ZNF302: variants seen among roughly 807,000 people sequenced by gnomAD.
The protein encoded by ZNF302 is zinc finger protein 327.
Under a neutral mutation model 10.8 loss-of-function variants are expected in ZNF302, and 12 were observed. The ratio of observed to expected loss-of-function variants is 1.11; its 90% CI spans 0.71 to 1.79. The LOEUF (loss-of-function observed/expected upper bound fraction) is 1.79. Ranked by LOEUF, ZNF302 falls within the 40% of genes most tolerant of loss-of-function variation. The pLI, the probability that ZNF302 is intolerant of heterozygous loss-of-function variation, is 0.00. For missense variants in ZNF302, 461 were observed against 471.1 expected, an observed-to-expected ratio of 0.98 and a Z score of 0.20; for synonymous variants, 178 against 157.5, an observed-to-expected ratio of 1.13 and a Z score of -0.98.
intron 4 of ZNF302, chr19:34,683,956 T>C (rs569633070): frequency 7.6e-7 from 1 of 1,313,408 alleles, no homozygotes; most frequent in Non-Finnish European, 9.7e-7. Context: ...TCTGATACTT[T>C]CCTTTTTTCC....
chr19:34,684,443 G>C lies in ZNF302; in HGVS notation c.406G>C (p.Glu136Gln), dbSNP rs1343156799. 6.2e-7 allele frequency: 1 copy of C among 1,613,084 alleles called. No individual in the cohort carries two copies. Among genetic ancestry groups the C allele is most frequent in the Non-Finnish European group, 8.5e-7 (1 of 1,179,356 alleles). Residue 136 changes from glutamate (E) to glutamine (Q), a missense_variant, in exon 5 of 5, where the codon GAA (glutamate) becomes CAA (glutamine). By Grantham distance (29) the Glu-to-Gln change is conservative (BLOSUM62 2). Transcript: ENST00000505242. Reference protein sequence around the residue: ...STFHSKSTLSEPQNNSAEGNS... With the variant: ...STFHSKSTLSQPQNNSAEGNS... The stretch of plus-strand genomic sequence containing the variant: ...CTTTCATTCAAAGTCTACTCTTTCT[G>C]AACCACAAAACAATTCTGCTGAAGG...
At position 34,684,454 on chromosome 19, in the gene ZNF302, C is replaced by G. The variant is rs1480097472; in HGVS notation, c.417C>G (p.Asn139Lys). The change falls in exon 5 of 5, where the codon AAC (asparagine) becomes AAG (lysine). Residue 139 changes from asparagine (N) to lysine (K), a missense_variant. By Grantham distance (94) the Asn-to-Lys change is moderately conservative (BLOSUM62 0). Transcript: ENST00000505242. ...AGTCTACTCTTTCTGAACCACAAAA[C>G]AATTCTGCTGAAGGGAATTCACACA... ...HSKSTLSEPQ[N>K]NSAEGNSHKY... 3.1e-6 allele frequency: 5 copies of G among 1,613,032 alleles called. No homozygotes were observed. The highest frequency in any genetic ancestry group is 4.2e-6 in the Non-Finnish European group (5 of 1,179,390).
chr19:34,680,821 A>C (rs184939074), intron 2 of ZNF302, among the ~76,000 whole-genome samples: 1 of 152,258 alleles, frequency 6.6e-6, no homozygotes, highest in African/African-American at 2.4e-5. Flanking sequence ...TGAACTGTCA[A>C]ATCTTACTTG....
intron 4 of ZNF302, chr19:34,683,975 T>C: frequency 7.2e-7 from 1 of 1,382,530 alleles, no homozygotes; most frequent in Non-Finnish European, 9.4e-7. Context: ...CCATACTATT[T>C]TATCCATTTC....
Position 34,683,225 on chromosome 19 carries a change from A to G in ZNF302, c.201A>G (p.Lys67=). The G allele has an allele frequency of 1.2e-6, 2 of 1,614,114 alleles. No individual in the cohort carries two copies. Among genetic ancestry groups the G allele is most frequent in the African/African-American group, 1.3e-5 (1 of 75,050 alleles). ...EDGKEPWMME[K]KLSKDWESRW... ...GAAAAGAGCCCTGGATGATGGAGAA[A>G]AAACTGTCAAAAGGTATGATTCCAC... Residue 67 remains lysine, a synonymous_variant, in exon 4 of 5, where the codon AAA becomes AAG. Coordinates refer to ENST00000505242, the MANE Select transcript of ZNF302 (RefSeq NM_001289187.2).
intron 4 of ZNF302, 105 bp downstream of exon 4, chr19:34,683,343 CAGAT>C (rs1164747802): frequency 1.5e-6 from 2 of 1,323,568 alleles, no homozygotes; most frequent in South Asian, 1.4e-5. Flanking sequence ...TCAAAGATCT[CAGAT>C]AGAAATGAAA....
chr19:34,683,680 G>A (rs2068477172), intron 4 of ZNF302, among the ~76,000 whole-genome samples: 1 of 152,136 alleles, frequency 6.6e-6, no homozygotes, highest in African/African-American at 2.4e-5. Context: ...ATTTTCTAAT[G>A]TTCAAGAAAA....
rs889931852 is a variant in ZNF302, at chr19:34,679,859, A to G, written c.9+1046A>G. On this transcript the variant is annotated intron_variant, in intron 2 of 4. Coordinates refer to ENST00000505242, the MANE Select transcript of ZNF302 (RefSeq NM_001289187.2). The stretch of plus-strand genomic sequence containing the variant: ...TACCCAGAGTGTTACCTGGCACCAA[A>G]TGGATGCTTAGTAAGTAATTGTGGA... The G allele has an allele frequency of 2.4e-5, 17 of 702,836 alleles. No homozygotes were observed. In the African/African-American group the frequency reaches 2.4e-4, roughly 10 times the overall value. The allele number at this position is 702,836 out of a possible 1,614,324, so 43.5% of individuals were successfully genotyped here. A position where few individuals can be genotyped will look rare whatever the true frequency, so the allele number is the denominator to read the frequency against.
intron 1 of ZNF302, 103 bp from the exon 2 acceptor site, chr19:34,678,634 G>C (rs2068139992): frequency 7.9e-6 from 5 of 636,186 alleles, no homozygotes; most frequent in South Asian, 3.8e-5. Context: ...TGACGCTCCG[G>C]CGAGTGATTA....
intron 2 of ZNF302, chr19:34,682,310 A>T (rs2068394317): frequency 6.2e-6 from 1 of 160,126 alleles, no homozygotes; most frequent in Non-Finnish European, 1.4e-5. Context: ...AGTCTTTAAT[A>T]TTAAGATGTC....
chr19:34,683,937 C>T, intron 4 of ZNF302: 3 of 1,258,516 alleles, frequency 2.4e-6, no homozygotes, highest in Non-Finnish European at 3.0e-6. Context: ...ATGCCTTCCA[C>T]ATCTTATTTC....
intron 2 of ZNF302, among the ~76,000 whole-genome samples, chr19:34,680,223 C>T (rs1225921765): frequency 6.6e-6 from 1 of 152,138 alleles, no homozygotes; most frequent in East Asian, 1.9e-4. Context: ...AATGCCAAAA[C>T]CATTCATTGG....
intron 2 of ZNF302, among the ~76,000 whole-genome samples, chr19:34,680,529 C>A (rs1244645599): frequency 1.3e-5 from 2 of 152,010 alleles, no homozygotes; most frequent in East Asian, 3.9e-4. Flanking sequence ...GCTAGTGGCT[C>A]CTGTATTGAA....
chr19:34,683,977 A>C, intron 4 of ZNF302: 3 of 1,384,576 alleles, frequency 2.2e-6, no homozygotes, highest in Non-Finnish European at 2.8e-6. Context: ...ATACTATTTT[A>C]TCCATTTCGT....
At position 34,684,316 on chromosome 19, in the gene ZNF302, A is replaced by G; in HGVS notation, c.279A>G (p.Ser93=). ...STKKDIYDED[S]PQPVTMEKVV... ...AGAAGGATATTTATGATGAAGATTC[A>G]CCCCAACCAGTAACAATGGAAAAAG... The change falls in exon 5 of 5, where the codon TCA becomes TCG. Residue 93 remains serine (S), a synonymous_variant. Transcript: ENST00000505242. The G allele has an allele frequency of 1.3e-6, 2 of 1,588,414 alleles. No homozygotes were observed. The highest frequency in any genetic ancestry group is 1.7e-6 in the Non-Finnish European group (2 of 1,171,648).
At position 34,684,435 on chromosome 19, in the gene ZNF302, CT is replaced by C. The variant is rs2145348473; in HGVS notation, c.399del (p.Leu134PhefsTer19). The part of the protein sequence containing the change: ...TFRSTFHSKS[T>X]LSEPQNNSAE... ...AGAAGCACCTTTCATTCAAAGTCTACTCTTTCTGAACCACAAAACAATTCTG... is the reference window on the plus strand; with the variant it reads ...AGAAGCACCTTTCATTCAAAGTCTACCTTTCTGAACCACAAAACAATTCTG... On this transcript the variant is annotated frameshift_variant, in exon 5 of 5. Coordinates refer to ENST00000505242, the MANE Select transcript of ZNF302 (RefSeq NM_001289187.2). LOFTEE classifies it low-confidence loss of function (END_TRUNC). 3.1e-6 allele frequency: 5 copies of C among 1,613,058 alleles called. No homozygotes were observed. In the East Asian group the frequency reaches 1.1e-4, roughly 36 times the overall value.
rs746866893 is a variant in ZNF302, at chr19:34,684,171, TAAAAAAAAAAAAAAAAAAAAAAAAAAAA to T, written c.215-59_215-32del. ...CACTGTAGAAGCTTTTTTCAAGAAGTAAAAAAAAAAAAAAAAAAAAAAAAAAAAAAAAAAAAAAAAAAAAAAAAAGGCA... is the reference window on the plus strand; with the variant it reads ...CACTGTAGAAGCTTTTTTCAAGAAGTAAAAAAAAAAAAAAAAAAAAAGGCA... On this transcript the variant is annotated intron_variant, in intron 4 of 4. Coordinates refer to ENST00000505242, the MANE Select transcript of ZNF302 (RefSeq NM_001289187.2). The T allele has an allele frequency of 2.5e-3, 2,166 of 877,828 alleles. 9 individuals are homozygous for T. Among genetic ancestry groups the T allele is most frequent in the East Asian group, 3.0e-3 (47 of 15,442 alleles). 54.4% of individuals were successfully genotyped at this position (877,828 alleles called of 1,614,324 possible).
In ZNF302 at chr19:34,685,112, CA is replaced by C. The variant is rs772103554; in HGVS notation, c.1076del (p.His359LeufsTer7). On this transcript the variant is annotated frameshift_variant, in exon 5 of 5. Transcript: ENST00000505242. LOFTEE classifies it low-confidence loss of function (END_TRUNC). ...AFCCSSHLTQ[H>X]QRIHSMKKKY... Reference sequence around the variant, plus strand: ...CTGCTGTAGCTCACACCTTACTCAACATCAAAGAATTCACAGTATGAAGAAA... The same window carrying C: ...CTGCTGTAGCTCACACCTTACTCAACTCAAAGAATTCACAGTATGAAGAAA... 23 of 1,612,580 alleles carry C rather than the reference CA, an allele frequency of 1.4e-5. No individual in the cohort carries two copies. In the South Asian group the frequency reaches 2.5e-4, roughly 18 times the overall value.
chr19:34,682,608 C>T, intron 2 of ZNF302, 169 bp from the exon 3 acceptor site: 5 of 917,390 alleles, frequency 5.5e-6, no homozygotes, highest in Non-Finnish European at 7.8e-6. Context: ...TTGTATAATT[C>T]CAACTACATA....
Sources: allele counts gnomAD v4.1 joint callset (sites outside exome capture counted in the v4.1 genomes callset), GRCh38; gene constraint gnomAD v4.1.1; transcripts MANE v1.5; gene names NCBI Gene and HGNC (gene_info 2026-07-23, HGNC 2026-07-21).